The following AFG2A variants were observed in gnomAD, a reference collection of about 807,000 sequenced individuals.
AFG2A encodes AAA ATPase AFG2A, also known as ATPase family gene 2 protein homolog A.
At chr4:122,987,363 G>C in the AFG2A span, among the ~76,000 whole-genome samples, 3 of 151,978 alleles carry the variant, frequency 2.0e-5, no homozygotes, top group Non-Finnish European at 2.9e-5. Context: ...TTTGAATCTT[G>C]TTGTTTAATC....
the AFG2A span, among the ~76,000 whole-genome samples, chr4:123,066,735 A>G: frequency 6.6e-6 from 1 of 152,210 alleles, no homozygotes; most frequent in East Asian, 1.9e-4. Flanking sequence ...TTTTTCTGGT[A>G]AACAGTTTTT....
chr4:123,185,315 T>C, the AFG2A span, among the ~76,000 whole-genome samples: 7 of 152,064 alleles, frequency 4.6e-5, no homozygotes, highest in Admixed American at 4.6e-4. Flanking sequence ...TATCTAGTAT[T>C]CAAAGGTTCA....
chr4:123,256,102 G>A, the AFG2A span: 2 of 1,613,980 alleles, frequency 1.2e-6, no homozygotes, highest in Non-Finnish European at 1.7e-6. Flanking sequence ...TTAAGCTGCA[G>A]TTTCACTCCA....
At chr4:123,156,815 T>C in the AFG2A span, among the ~76,000 whole-genome samples, 3,686 of 150,400 alleles carry the variant, frequency 0.025, 151 homozygotes, top group African/African-American at 0.083. Context: ...GATCCCATGC[T>C]GATAGTTTTT....
the AFG2A span, among the ~76,000 whole-genome samples, chr4:123,240,926 C>T: frequency 7.9e-5 from 12 of 151,906 alleles, no homozygotes; most frequent in South Asian, 4.2e-4. Context: ...ATGAAATAGA[C>T]GCAATAAAAA....
At chr4:123,106,355 GATATTAGCTTTATTGCA>G in the AFG2A span, among the ~76,000 whole-genome samples, 1 of 152,022 alleles carries the variant, frequency 6.6e-6, no homozygotes, top group Non-Finnish European at 1.5e-5. Context: ...GCTTTATTGT[GATATTAGCTTTATTGCA>G]ATATTAGCTT....
the AFG2A span, among the ~76,000 whole-genome samples, chr4:123,135,546 C>T: frequency 6.6e-6 from 1 of 152,140 alleles, no homozygotes; most frequent in Non-Finnish European, 1.5e-5. Context: ...TGGATTCAAC[C>T]AACCACAGAT....
the AFG2A span, among the ~76,000 whole-genome samples, chr4:123,174,320 A>G: frequency 6.6e-6 from 1 of 152,196 alleles, no homozygotes; most frequent in Admixed American, 6.5e-5. Flanking sequence ...AAAGGACGTA[A>G]ATGAAAACTT....
At chr4:122,942,845 C>T in the AFG2A span, among the ~76,000 whole-genome samples, 6 of 150,774 alleles carry the variant, frequency 4.0e-5, no homozygotes, top group Non-Finnish European at 8.9e-5. Context: ...TCTTTGTTCT[C>T]GTTGGTTTCA....
the AFG2A span, among the ~76,000 whole-genome samples, chr4:122,992,968 GTGTGTGTA>G: frequency 1.0e-5 from 1 of 98,448 alleles, no homozygotes; most frequent in East Asian, 3.5e-4. Context: ...GTGTGTGTGT[GTGTGTGTA>G]TGTGTGTGTG....
chr4:123,028,160 T>C, the AFG2A span: 4 of 1,596,126 alleles, frequency 2.5e-6, no homozygotes, highest in South Asian at 4.5e-5. Flanking sequence ...GCAAAACTTA[T>C]ATTTGGAAAA....
the AFG2A span, among the ~76,000 whole-genome samples, chr4:123,233,316 A>G: frequency 2.0e-5 from 3 of 151,530 alleles, no homozygotes; most frequent in African/African-American, 7.3e-5. Flanking sequence ...CCTATCCCGC[A>G]CCCTCAGAGA....
the AFG2A span, among the ~76,000 whole-genome samples, chr4:123,022,144 A>G: frequency 6.6e-6 from 1 of 152,170 alleles, no homozygotes; most frequent in South Asian, 2.1e-4. Context: ...CTTCATGTCT[A>G]AAACACCGAA....
chr4:123,100,339 G>A, the AFG2A span, among the ~76,000 whole-genome samples: 1 of 151,836 alleles, frequency 6.6e-6, no homozygotes, highest in Admixed American at 6.6e-5. Context: ...GTAAAGAACA[G>A]TTTTTAATCC....
the AFG2A span, among the ~76,000 whole-genome samples, chr4:123,013,033 C>A: frequency 2.6e-5 from 4 of 152,046 alleles, no homozygotes; most frequent in Non-Finnish European, 5.9e-5. Flanking sequence ...TGTCGGCGGG[C>A]TGAGTCCGAA....
At chr4:123,062,435 AT>A in the AFG2A span, among the ~76,000 whole-genome samples, 14 of 152,182 alleles carry the variant, frequency 9.2e-5, no homozygotes, top group East Asian at 1.9e-4. Context: ...TGAAATAAAG[AT>A]TTTTTTTAAA....
chr4:123,154,415 C>A, the AFG2A span, among the ~76,000 whole-genome samples: 1 of 151,974 alleles, frequency 6.6e-6, no homozygotes, highest in Non-Finnish European at 1.5e-5. Flanking sequence ...GTAGACAGGT[C>A]AACAGTTTAA....
chr4:123,056,502 C>T, the AFG2A span: 2 of 1,411,464 alleles, frequency 1.4e-6, no homozygotes, highest in Non-Finnish European at 1.9e-6. Context: ...TCCTGTGCAG[C>T]TTCCCTTTTG....
chr4:123,226,964 C>A, the AFG2A span, among the ~76,000 whole-genome samples: 21 of 152,104 alleles, frequency 1.4e-4, no homozygotes, highest in Admixed American at 7.2e-4. Context: ...GAGGAATGTA[C>A]CCATTTCTTC....
Sources: gnomAD v4.1 joint callset for allele counts (sites outside exome capture counted in the v4.1 genomes callset) on GRCh38, gnomAD v4.1.1 for gene constraint, MANE v1.5 for transcripts, NCBI Gene and HGNC (gene_info 2026-07-23, HGNC 2026-07-21) for gene names.